The following KDM4C variants were observed in gnomAD, a reference collection of about 807,000 sequenced individuals.
KDM4C encodes the protein lysine-specific demethylase 4C.
Under a neutral mutation model 129.3 loss-of-function variants are expected in KDM4C, and 81 were observed. The observed-to-expected ratio is 0.63, with a 90% CI of 0.52 to 0.75. The LOEUF (loss-of-function observed/expected upper bound fraction) is 0.75, where lower values mean the gene tolerates loss of function less well. Ranked by LOEUF, KDM4C falls within the 30% of genes least tolerant of loss-of-function variation. KDM4C has a pLI of 0.00. For synonymous variants in KDM4C, 573 were observed against 456.1 expected (o/e 1.26, Z -3.26); for missense variants, 1,457 against 1,304.0 (o/e 1.12, Z -1.81).
intron 4 of KDM4C, among the ~76,000 whole-genome samples, chr9:6,844,963 C>T (rs1427110851): frequency 5.3e-5 from 8 of 152,220 alleles, no homozygotes; most frequent in African/African-American, 1.9e-4. Context: ...GCTGGGATTA[C>T]AGGCGTGTGC....
intron 1 of KDM4C, among the ~76,000 whole-genome samples, chr9:6,730,084 T>C (rs1012816213): frequency 8.5e-5 from 7 of 82,694 alleles, no homozygotes; most frequent in African/African-American, 5.3e-4. Flanking sequence ...CACTGCAGCC[T>C]GGGCAACAAA....
chr9:6,936,836 C>T (rs1262570035), intron 8 of KDM4C, among the ~76,000 whole-genome samples: 1 of 152,114 alleles, frequency 6.6e-6, no homozygotes, highest in Non-Finnish European at 1.5e-5. Flanking sequence ...GCTTTAGTTT[C>T]CTTAGCTAAG....
intron 5 of KDM4C, among the ~76,000 whole-genome samples, chr9:6,862,168 T>G (rs992047757): frequency 6.6e-6 from 1 of 152,166 alleles, no homozygotes; most frequent in Non-Finnish European, 1.5e-5. Flanking sequence ...CAATTTTCCT[T>G]TAAGTGTGGT....
At chr9:6,918,236 A>G (rs915374304) in intron 8 of KDM4C, among the ~76,000 whole-genome samples, 45 of 152,214 alleles carry the variant, frequency 3.0e-4, no homozygotes, top group African/African-American at 8.4e-4. Context: ...TGTGTATCCA[A>G]TGTTTAGCTT....
chr9:6,947,436 T>G lies in KDM4C; in HGVS notation c.922-33489T>G, dbSNP rs184865148. Among the ~76,000 whole-genome samples the G allele has an allele frequency of 1.6e-3, 249 of 152,284 alleles. 1 individual carries two copies. In the Middle Eastern group the frequency reaches 0.017, roughly 10 times the overall value. ...CTTAATGCCTATAAGAAGAGCTGTT[T>G]GTTTAGATAAGGTTAATCATAACTA... On this transcript the variant is annotated intron_variant, in intron 8 of 21. Coordinates refer to ENST00000381309, the MANE Select transcript of KDM4C (RefSeq NM_015061.6).
intron 4 of KDM4C, chr9:6,835,651 G>C (rs1017436471): frequency 4.0e-6 from 3 of 755,490 alleles, no homozygotes; most frequent in African/African-American, 3.5e-5. Flanking sequence ...GATGAGATTG[G>C]CATGGCTTTA....
At chr9:6,775,884 G>T (rs1312495398) in intron 1 of KDM4C, among the ~76,000 whole-genome samples, 5 of 152,098 alleles carry the variant, frequency 3.3e-5, no homozygotes, top group Admixed American at 6.6e-5. Context: ...TTGTTGTGGG[G>T]ACTTTTTTAT....
chr9:7,052,869 G>GAGAGAGAGAGAC (rs1458932271), intron 17 of KDM4C, among the ~76,000 whole-genome samples: 1 of 23,120 alleles, frequency 4.3e-5, no homozygotes, highest in Non-Finnish European at 8.3e-5. Context: ...CCTGCAGAGA[G>GAGAGAGAGAGAC]AGAGAGAGAG....
At chr9:7,087,478 A>G (rs1011545791) in intron 17 of KDM4C, among the ~76,000 whole-genome samples, 8 of 152,196 alleles carry the variant, frequency 5.3e-5, no homozygotes, top group African/African-American at 1.9e-4. Flanking sequence ...AACTGAAAAT[A>G]AGTATAATAG....
intron 1 of KDM4C, among the ~76,000 whole-genome samples, chr9:6,725,037 T>C (rs1817076066): frequency 6.6e-6 from 1 of 152,174 alleles, no homozygotes; most frequent in Admixed American, 6.6e-5. Context: ...TCCTCATTCC[T>C]TGGGTCATGA....
At chr9:6,741,146 C>T (rs1441595366) in intron 1 of KDM4C, among the ~76,000 whole-genome samples, 1 of 151,912 alleles carries the variant, frequency 6.6e-6, no homozygotes, top group African/African-American at 2.4e-5. Flanking sequence ...ACCTGTAATC[C>T]CAGCATTTTG....
intron 3 of KDM4C, among the ~76,000 whole-genome samples, chr9:6,808,859 C>G (rs1047981157): frequency 6.6e-6 from 1 of 151,926 alleles, no homozygotes; most frequent in Admixed American, 6.6e-5. Context: ...TAAATGTTGT[C>G]ACAATTATTA....
At chr9:6,795,482 C>T (rs1827559369) in intron 2 of KDM4C, among the ~76,000 whole-genome samples, 1 of 152,054 alleles carries the variant, frequency 6.6e-6, no homozygotes, top group African/African-American at 2.4e-5. Flanking sequence ...CAGGCATGTA[C>T]CACCATGCCT....
chr9:7,017,847 C>T (rs1586942376), intron 15 of KDM4C, among the ~76,000 whole-genome samples: 1 of 152,120 alleles, frequency 6.6e-6, no homozygotes, highest in African/African-American at 2.4e-5. Context: ...TTTGTCATGA[C>T]TGTGTATATT....
At chr9:6,837,469 A>G (rs990809809) in intron 4 of KDM4C, among the ~76,000 whole-genome samples, 3 of 152,244 alleles carry the variant, frequency 2.0e-5, no homozygotes, top group Non-Finnish European at 2.9e-5. Context: ...GTCTAGTCGC[A>G]GAACATTTCC....
intron 4 of KDM4C, chr9:6,834,607 C>T (rs149250871): frequency 4.0e-6 from 3 of 753,564 alleles, no homozygotes. Context: ...GTCGGAAGGA[C>T]TCCCATGTGG....
intron 1 of KDM4C, among the ~76,000 whole-genome samples, chr9:6,732,386 A>G: frequency 6.9e-6 from 1 of 144,714 alleles, no homozygotes; most frequent in Non-Finnish European, 1.5e-5. Flanking sequence ...AAAAAAAAAA[A>G]AAAAAAAAAA....
At chr9:7,021,606 G>T (rs1824873808) in intron 15 of KDM4C, among the ~76,000 whole-genome samples, 1 of 152,128 alleles carries the variant, frequency 6.6e-6, no homozygotes, top group Admixed American at 6.5e-5. Flanking sequence ...CTCCCTTTCT[G>T]TGGGTTGTCT....
intron 15 of KDM4C, among the ~76,000 whole-genome samples, chr9:7,023,763 C>T (rs72703340): frequency 0.077 from 11,676 of 152,082 alleles, 736 homozygotes; most frequent in Non-Finnish European, 0.12. Flanking sequence ...TATATAAGCA[C>T]TTACAGCTGT....
Sources: allele counts gnomAD v4.1 joint callset (sites outside exome capture counted in the v4.1 genomes callset), GRCh38; gene constraint gnomAD v4.1.1; transcripts MANE v1.5; gene names NCBI Gene and HGNC (gene_info 2026-07-23, HGNC 2026-07-21).